The following NTRK2 variants were observed in gnomAD, a reference collection of about 807,000 sequenced individuals.
NTRK2 encodes the protein neurotrophic receptor tyrosine kinase 2, also known as BDNF/NT-3 growth factors receptor.
In NTRK2, 13 loss-of-function variants were observed where a neutral mutation model predicts 94.5. That is an observed-to-expected ratio of 0.14 (90% CI 0.09 to 0.22). The LOEUF is 0.22. Ranked by LOEUF, NTRK2 falls within the 10% of genes least tolerant of loss-of-function variation. The pLI, the probability that NTRK2 is intolerant of heterozygous loss-of-function variation, is 1.00. For missense variants in NTRK2, 639 were observed against 1,071.2 expected (o/e 0.60, Z 5.63); for synonymous variants, 372 against 407.4 (o/e 0.91, Z 1.05).
intron 12 of NTRK2, among the ~76,000 whole-genome samples, chr9:84,851,943 C>T (rs1226804431): frequency 2.0e-5 from 3 of 152,048 alleles, no homozygotes; most frequent in Admixed American, 1.3e-4. Context: ...ACTATAAATA[C>T]GTAGCAGAAA....
At chr9:84,899,852 C>G (rs1214838587) in intron 14 of NTRK2, among the ~76,000 whole-genome samples, 2 of 152,176 alleles carry the variant, frequency 1.3e-5, no homozygotes, top group East Asian at 1.9e-4. Context: ...GACCTGGATA[C>G]TACAGGATAC....
At chr9:84,921,935 T>C (rs1313347834) in intron 14 of NTRK2, among the ~76,000 whole-genome samples, 2 of 152,210 alleles carry the variant, frequency 1.3e-5, no homozygotes, top group Non-Finnish European at 2.9e-5. Context: ...GAACAATTTC[T>C]TTCCATCTTA....
At chr9:84,828,744 G>A (rs555890069) in intron 12 of NTRK2, among the ~76,000 whole-genome samples, 1 of 152,284 alleles carries the variant, frequency 6.6e-6, no homozygotes, top group Admixed American at 6.5e-5. Context: ...TGGAGAAAGT[G>A]AAATATTTAG....
intron 13 of NTRK2, among the ~76,000 whole-genome samples, chr9:84,864,764 T>C (rs1413905804): frequency 7.5e-5 from 8 of 106,970 alleles, no homozygotes; most frequent in Non-Finnish European, 1.3e-4. Flanking sequence ...TTTTTGAAAC[T>C]GAGTCTCACT....
At chr9:84,679,737 A>C (rs77617768) in intron 2 of NTRK2, among the ~76,000 whole-genome samples, 262 of 152,248 alleles carry the variant, frequency 1.7e-3, no homozygotes, top group African/African-American at 5.9e-3. Flanking sequence ...CCTTCACTCC[A>C]GGGGCAAACA....
chr9:84,681,406 C>T (rs1236058254), intron 2 of NTRK2, among the ~76,000 whole-genome samples: 1 of 152,098 alleles, frequency 6.6e-6, no homozygotes, highest in Admixed American at 6.6e-5. Context: ...CTAAGTATTT[C>T]CTAAATCTAA....
At chr9:84,775,138 A>G (rs1414726976) in intron 12 of NTRK2, among the ~76,000 whole-genome samples, 1 of 152,224 alleles carries the variant, frequency 6.6e-6, no homozygotes, top group African/African-American at 2.4e-5. Context: ...TGAGGCTGAG[A>G]GAGGCCGTCT....
intron 14 of NTRK2, among the ~76,000 whole-genome samples, chr9:84,919,950 G>C (rs560859591): frequency 6.6e-6 from 1 of 152,166 alleles, no homozygotes; most frequent in Non-Finnish European, 1.5e-5. Flanking sequence ...TGTAAGTCAC[G>C]TAGTTAGTTG....
At chr9:84,814,859 T>G in intron 12 of NTRK2, 1 of 1,063,346 alleles carries the variant, frequency 9.4e-7, no homozygotes, top group Non-Finnish European at 1.1e-6. Context: ...GTTGCGCAGC[T>G]TAGCTGACTT....
intron 12 of NTRK2, among the ~76,000 whole-genome samples, chr9:84,810,219 T>C (rs1273345554): frequency 1.3e-5 from 2 of 152,218 alleles, no homozygotes; most frequent in Admixed American, 1.3e-4. Flanking sequence ...AGATGTTTCC[T>C]CCTTAAAGTA....
chr9:84,685,455 C>T (rs940871456), intron 2 of NTRK2, among the ~76,000 whole-genome samples: 1 of 151,508 alleles, frequency 6.6e-6, no homozygotes, highest in African/African-American at 2.4e-5. Context: ...ATGATTATTC[C>T]ACATGAATTT....
At position 84,814,212 on chromosome 9, in the gene NTRK2, G is replaced by A. The variant is rs2072122399; in HGVS notation, c.1397-46828G>A. 2.8e-6 allele frequency: 3 copies of A among 1,065,554 alleles called. No individual in the cohort carries two copies. The South Asian group carries it at 1.4e-4, about 48-fold the overall frequency. The allele number at this position is 1,065,554 out of a possible 1,614,324, so 66.0% of individuals were successfully genotyped here. On this transcript the variant is annotated intron_variant, in intron 12 of 18. Transcript: ENST00000277120. ...CACAGAACACAGGAGTTTGCTTTTG[G>A]CTTCTCACTCTCCAAGTAACCCTGA...
At chr9:84,770,441 C>A (rs992236121) in intron 12 of NTRK2, among the ~76,000 whole-genome samples, 3 of 152,164 alleles carry the variant, frequency 2.0e-5, no homozygotes, top group Non-Finnish European at 4.4e-5. Flanking sequence ...TGCCTGGCTT[C>A]TTCCTCCCCT....
At chr9:84,739,437 G>C (rs2063485718) in intron 9 of NTRK2, among the ~76,000 whole-genome samples, 1 of 152,218 alleles carries the variant, frequency 6.6e-6, no homozygotes, top group Non-Finnish European at 1.5e-5. Flanking sequence ...ATTTGTTACA[G>C]TGAATAGATG....
At chr9:84,985,192 T>G (rs911212704) in intron 17 of NTRK2, among the ~76,000 whole-genome samples, 7 of 152,230 alleles carry the variant, frequency 4.6e-5, no homozygotes, top group African/African-American at 1.4e-4. Flanking sequence ...AACCAAGCTC[T>G]TGACATGATT....
intron 14 of NTRK2, among the ~76,000 whole-genome samples, chr9:84,925,091 C>T (rs1316519777): frequency 6.6e-6 from 1 of 152,124 alleles, no homozygotes; most frequent in Admixed American, 6.5e-5. Flanking sequence ...CTGAAAATCT[C>T]TCTTCTCTGT....
chr9:84,886,868 G>GGT (rs1587828060), intron 14 of NTRK2, among the ~76,000 whole-genome samples: 5 of 152,300 alleles, frequency 3.3e-5, no homozygotes, highest in Admixed American at 6.5e-5. Flanking sequence ...TCTCTTGGGT[G>GGT]GTGTGTGTCT....
chr9:84,804,960 ATTC>A (rs2070937610), intron 12 of NTRK2, among the ~76,000 whole-genome samples: 1 of 152,100 alleles, frequency 6.6e-6, no homozygotes, highest in African/African-American at 2.4e-5. Context: ...CAAACCACAA[ATTC>A]TTCTTTCTTT....
At position 85,020,331 on chromosome 9, in the gene NTRK2, C is replaced by A. The variant is rs765990360; in HGVS notation, c.2298C>A (p.Gly766=). The change falls in exon 18 of 19, where the codon GGC becomes GGA. Residue 766 remains glycine, a synonymous_variant. Coordinates refer to ENST00000277120, the MANE Select transcript of NTRK2 (RefSeq NM_006180.6). The stretch of plus-strand genomic sequence containing the variant: ...TGTTGTGGGAGATTTTCACCTATGG[C>A]AAACAGCCCTGGTACCAGCTGTCAA... ...GVVLWEIFTY[G]KQPWYQLSNN... The A allele has an allele frequency of 6.2e-7, 1 of 1,614,164 alleles. No homozygotes were observed. Among genetic ancestry groups the A allele is most frequent in the Non-Finnish European group, 8.5e-7 (1 of 1,180,028 alleles).
Sources: gnomAD v4.1 joint callset for allele counts (sites outside exome capture counted in the v4.1 genomes callset) on GRCh38, gnomAD v4.1.1 for gene constraint, MANE v1.5 for transcripts, NCBI Gene and HGNC (gene_info 2026-07-23, HGNC 2026-07-21) for gene names.